ARHGAP31: variants seen among roughly 807,000 people sequenced by gnomAD.
The protein encoded by ARHGAP31 is Rho GTPase activating protein 31.
Under a neutral mutation model 113.9 loss-of-function variants are expected in ARHGAP31, and 34 were observed. That is an observed-to-expected ratio of 0.30 (90% CI 0.23 to 0.40). The LOEUF is 0.40. ARHGAP31 is among the 10% of genes least tolerant of loss of function. ARHGAP31 has a pLI of 1.00. For synonymous variants in ARHGAP31, 650 were observed against 684.8 expected, an observed-to-expected ratio of 0.95 and a Z score of 0.79; for missense variants, 1,548 against 1,767.1, an observed-to-expected ratio of 0.88 and a Z score of 2.22.
chr3:119,311,756 G>T (rs999038249), intron 1 of ARHGAP31, among the ~76,000 whole-genome samples: 1 of 152,184 alleles, frequency 6.6e-6, no homozygotes, highest in African/African-American at 2.4e-5. Context: ...ATCTGTCCTG[G>T]GGAGGGAATG....
At chr3:119,402,522 C>T in intron 10 of ARHGAP31, 125 bp downstream of exon 10, 1 of 992,076 alleles carries the variant, frequency 1.0e-6, no homozygotes, top group East Asian at 2.6e-5. Context: ...CGATTGGGTA[C>T]AAATCCACGC....
intron 1 of ARHGAP31, among the ~76,000 whole-genome samples, chr3:119,347,209 C>T (rs891724870): frequency 1.3e-5 from 2 of 152,146 alleles, no homozygotes; most frequent in African/African-American, 4.8e-5. Flanking sequence ...TCCACTCATT[C>T]CTCTATGTAT....
intron 10 of ARHGAP31, 83 bp from the exon 11 acceptor site, chr3:119,409,413 G>A: frequency 6.5e-7 from 1 of 1,530,678 alleles, no homozygotes; most frequent in South Asian, 1.2e-5. Flanking sequence ...AACAGGGCCA[G>A]GAGACAGGAC....
At chr3:119,338,109 T>G (rs2079974666) in intron 1 of ARHGAP31, among the ~76,000 whole-genome samples, 2 of 152,228 alleles carry the variant, frequency 1.3e-5, no homozygotes, top group South Asian at 4.1e-4. Flanking sequence ...TTAGTACACT[T>G]TTATTATTTA....
intron 10 of ARHGAP31, among the ~76,000 whole-genome samples, chr3:119,404,757 C>T (rs1457698649): frequency 2.0e-5 from 3 of 152,130 alleles, no homozygotes; most frequent in African/African-American, 7.2e-5. Flanking sequence ...TGCATTTTAA[C>T]TAAAGTTAAA....
intron 1 of ARHGAP31, among the ~76,000 whole-genome samples, chr3:119,306,206 A>T (rs560877314): frequency 6.6e-6 from 1 of 152,306 alleles, no homozygotes; most frequent in African/African-American, 2.4e-5. Flanking sequence ...ACTACTAGAG[A>T]TACTCTTCAA....
chr3:119,367,692 A>C (rs906016296), intron 2 of ARHGAP31, among the ~76,000 whole-genome samples: 5 of 152,012 alleles, frequency 3.3e-5, no homozygotes, highest in African/African-American at 1.2e-4. Flanking sequence ...CCCCATCTGC[A>C]CTAAAAATAC....
intron 1 of ARHGAP31, among the ~76,000 whole-genome samples, chr3:119,355,470 C>CT (rs199687105): frequency 0.04 from 5,541 of 137,608 alleles, 159 homozygotes; most frequent in East Asian, 0.11. Context: ...CTTCTGTTTT[C>CT]TTTTTTTTTT....
At chr3:119,345,940 A>G (rs112212995) in intron 1 of ARHGAP31, among the ~76,000 whole-genome samples, 3,943 of 152,266 alleles carry the variant, frequency 0.026, 71 homozygotes, top group African/African-American at 0.049. Context: ...GGACACTCAG[A>G]TGCTCACTGC....
intron 1 of ARHGAP31, among the ~76,000 whole-genome samples, chr3:119,362,632 G>T (rs1430031734): frequency 6.6e-6 from 1 of 152,090 alleles, no homozygotes; most frequent in Admixed American, 6.6e-5. Context: ...GCTGGGCATG[G>T]TGGCAGGCAC....
intron 8 of ARHGAP31, among the ~76,000 whole-genome samples, chr3:119,394,924 T>C (rs1055557504): frequency 2.6e-5 from 4 of 152,202 alleles, no homozygotes; most frequent in African/African-American, 9.6e-5. Context: ...AGGAGACATA[T>C]ACTAAAACTA....
intron 3 of ARHGAP31, among the ~76,000 whole-genome samples, chr3:119,370,111 C>G (rs539504398): frequency 6.6e-6 from 1 of 152,136 alleles, no homozygotes; most frequent in Non-Finnish European, 1.5e-5. Flanking sequence ...GGTAAAGAAG[C>G]CTCCTATCTG....
At chr3:119,358,529 T>G (rs949367429) in intron 1 of ARHGAP31, among the ~76,000 whole-genome samples, 1 of 152,192 alleles carries the variant, frequency 6.6e-6, no homozygotes, top group Admixed American at 6.5e-5. Flanking sequence ...CATATATCCA[T>G]ACAAAAACTT....
intron 11 of ARHGAP31, among the ~76,000 whole-genome samples, chr3:119,410,806 T>A (rs2080708986): frequency 6.6e-6 from 1 of 152,224 alleles, no homozygotes; most frequent in African/African-American, 2.4e-5. Context: ...GAACAAGGCT[T>A]TAACCATCCC....
intron 3 of ARHGAP31, among the ~76,000 whole-genome samples, chr3:119,373,672 C>T (rs1382108237): frequency 6.6e-6 from 1 of 152,148 alleles, no homozygotes; most frequent in African/African-American, 2.4e-5. Context: ...CCATGTTGAC[C>T]AGGCTGGTCT....
chr3:119,331,312 C>T (rs1335512427), intron 1 of ARHGAP31, among the ~76,000 whole-genome samples: 1 of 152,134 alleles, frequency 6.6e-6, no homozygotes, highest in Non-Finnish European at 1.5e-5. Flanking sequence ...AAAAGACGAT[C>T]AAAATCGGCC....
In ARHGAP31 at chr3:119,387,687, A is replaced by C. The variant is rs889496530; in HGVS notation, c.683-3098A>C. Among the ~76,000 whole-genome samples the C allele has an allele frequency of 2.6e-5, 4 of 152,322 alleles. No individual in the cohort carries two copies. In the East Asian group the frequency reaches 7.7e-4, roughly 29 times the overall value. ...GATTGTGATATCTCTAATATTCACTAAAAAATAAATGTGTATTGAATATCT... is the reference window on the plus strand; with the variant it reads ...GATTGTGATATCTCTAATATTCACTCAAAAATAAATGTGTATTGAATATCT... On this transcript the variant is annotated intron_variant, in intron 6 of 11. Transcript: ENST00000264245.
intron 1 of ARHGAP31, among the ~76,000 whole-genome samples, chr3:119,347,098 A>C (rs1577005718): frequency 6.6e-6 from 1 of 152,034 alleles, no homozygotes; most frequent in Non-Finnish European, 1.5e-5. Context: ...ACACTTTGTC[A>C]TCCCTTCAAA....
chr3:119,360,673 C>G (rs965747821), intron 1 of ARHGAP31, among the ~76,000 whole-genome samples: 1 of 152,160 alleles, frequency 6.6e-6, no homozygotes. Context: ...AAACAAAGGA[C>G]TGTATAATAT....
Sources: gnomAD v4.1 joint callset for allele counts (sites outside exome capture counted in the v4.1 genomes callset) on GRCh38, gnomAD v4.1.1 for gene constraint, MANE v1.5 for transcripts, NCBI Gene and HGNC (gene_info 2026-07-23, HGNC 2026-07-21) for gene names.